The following SPINK5 variants were observed in gnomAD, a reference collection of about 807,000 sequenced individuals.
SPINK5 encodes the protein serine protease inhibitor Kazal-type 5.
A neutral mutation model predicts 151.8 loss-of-function variants in SPINK5; 125 were observed. The ratio of observed to expected loss-of-function variants is 0.82; its 90% CI spans 0.71 to 0.96. The LOEUF is 0.96. SPINK5 is among the 40% of genes least tolerant of loss of function. The probability of loss-of-function intolerance (pLI) is 0.00; values close to 1 mark genes in which losing one functional copy is unlikely to be tolerated. For synonymous variants in SPINK5, 374 were observed against 395.3 expected (o/e 0.95, Z 0.64); for missense variants, 1,194 against 1,291.9 (o/e 0.92, Z 1.16).
chr5:148,108,008 C>G (rs931868682), intron 17 of SPINK5, among the ~76,000 whole-genome samples: 1 of 152,070 alleles, frequency 6.6e-6, no homozygotes, highest in Non-Finnish European at 1.5e-5. Context: ...CATACAATTC[C>G]CTAAAAGGAG....
intron 6 of SPINK5, 21 bp downstream of exon 6, chr5:148,088,626 G>A (rs775206561): frequency 6.2e-7 from 1 of 1,609,716 alleles, no homozygotes; most frequent in South Asian, 1.1e-5. Flanking sequence ...TTGTCAGCCT[G>A]ATGGGAAATA....
At chr5:148,129,671 T>C (rs1754526337) in intron 30 of SPINK5, among the ~76,000 whole-genome samples, 1 of 152,302 alleles carries the variant, frequency 6.6e-6, no homozygotes, top group African/African-American at 2.4e-5. Context: ...TTTGTACCAA[T>C]ATGGAACTCA....
At chr5:148,122,022 GT>G (rs1449742347) in intron 26 of SPINK5, among the ~76,000 whole-genome samples, 2 of 145,962 alleles carry the variant, frequency 1.4e-5, no homozygotes, top group Non-Finnish European at 3.0e-5. Context: ...GTGTGTGTGT[GT>G]GTCAAATAGA....
chr5:148,064,105 C>T lies in SPINK5; in HGVS notation c.55+6C>T. On this transcript the variant is annotated splice_donor_region_variant and intron_variant, in intron 1 of 32. Transcript: ENST00000256084. ...GGCTCTTTGCCTCATACAAGGTGAG[C>T]AATTTGTGTGTAATCTAAGCCTCTT... The T allele has an allele frequency of 6.2e-7, 1 of 1,614,066 alleles. No homozygotes were observed.
chr5:148,130,443 G>A (rs1007823635), intron 30 of SPINK5, among the ~76,000 whole-genome samples: 5 of 151,812 alleles, frequency 3.3e-5, no homozygotes, highest in African/African-American at 1.2e-4. Flanking sequence ...GATACCATTG[G>A]ATTTAAGTCT....
intron 8 of SPINK5, among the ~76,000 whole-genome samples, chr5:148,092,271 G>A (rs1044218512): frequency 6.6e-6 from 1 of 151,892 alleles, no homozygotes; most frequent in South Asian, 2.1e-4. Flanking sequence ...ATTTAATGAA[G>A]CAAAGCTCTC....
chr5:148,129,028 C>G (rs1007769631), intron 30 of SPINK5, among the ~76,000 whole-genome samples: 1 of 152,044 alleles, frequency 6.6e-6, no homozygotes, highest in Non-Finnish European at 1.5e-5. Context: ...TTTTAAGTGA[C>G]ATATACAGAG....
intron 30 of SPINK5, 60 bp downstream of exon 30, chr5:148,127,139 C>A: frequency 1.4e-6 from 2 of 1,451,082 alleles, no homozygotes; most frequent in East Asian, 2.3e-5. Flanking sequence ...TTTTTTTTGA[C>A]CTGTTGCTAT....
Position 148,114,437 on chromosome 5 carries a change from G to A in SPINK5, c.1963G>A (p.Gly655Ser). The A allele has an allele frequency of 1.2e-6, 2 of 1,613,684 alleles. No homozygotes were observed. Among genetic ancestry groups the A allele is most frequent in the African/African-American group, 1.3e-5 (1 of 74,994 alleles). The change falls in exon 21 of 33, where the codon GGC (glycine) becomes AGC (serine). Residue 655 changes from glycine to serine, a missense_variant. Transcript: ENST00000256084. ...FCTRENDPVRGPDGKTHGNKC... is the reference protein window; with the variant it reads ...FCTRENDPVRSPDGKTHGNKC... Reference sequence around the variant, plus strand: ...CACAAGAGAAAATGATCCTGTGCGTGGCCCAGATGGCAAGACCCATGGCAA... The same window carrying A: ...CACAAGAGAAAATGATCCTGTGCGTAGCCCAGATGGCAAGACCCATGGCAA...
chr5:148,126,841 C>G (rs914112979), intron 29 of SPINK5, 142 bp from the exon 30 acceptor site: 7 of 631,398 alleles, frequency 1.1e-5, no homozygotes, highest in African/African-American at 1.9e-5. Context: ...ATTCGCCAGC[C>G]TGGGCCTTCC....
rs115680780 is a variant in SPINK5 at position 148,134,384 on chromosome 5, T to G, written c.3186+497T>G. Reference sequence around the variant, plus strand: ...TTACTGAATTTAACATTCTCCCTGGTGGCTATTTGAATAGTCATCCTCAGG... The same window carrying G: ...TTACTGAATTTAACATTCTCCCTGGGGGCTATTTGAATAGTCATCCTCAGG... On this transcript the variant is annotated intron_variant, in intron 32 of 32. Coordinates refer to ENST00000256084, the MANE Select transcript of SPINK5 (RefSeq NM_006846.4). Among the ~76,000 whole-genome samples the G allele has an allele frequency of 9.9e-3, 1,503 of 152,294 alleles. 28 individuals are homozygous for G. Among genetic ancestry groups the G allele is most frequent in the African/African-American group, 0.034 (1,431 of 41,568 alleles).
Position 148,094,483 on chromosome 5 carries a change from T to A in SPINK5, c.794+2T>A. 1.2e-6 allele frequency: 2 copies of A among 1,612,322 alleles called. No individual in the cohort carries two copies. The highest frequency in any genetic ancestry group is 1.7e-6 in the Non-Finnish European group (2 of 1,178,868). ...ATGTGCCCTGTGTGCTGAAATTTTG[T>A]GAGTATAGAAGTGGTTTTTTCAGAG... is the stretch of plus-strand genomic sequence containing the variant. On this transcript the variant is annotated splice_donor_variant, in intron 9 of 32. Coordinates refer to ENST00000256084, the MANE Select transcript of SPINK5 (RefSeq NM_006846.4). LOFTEE classifies it high-confidence loss of function.
At chr5:148,129,522 G>T (rs1003969100) in intron 30 of SPINK5, among the ~76,000 whole-genome samples, 10 of 151,202 alleles carry the variant, frequency 6.6e-5, no homozygotes, top group South Asian at 6.3e-4. Context: ...AATGAAGAGA[G>T]AGAGAGAGTA....
intron 32 of SPINK5, 69 bp downstream of exon 32, chr5:148,133,956 T>G: frequency 1.3e-5 from 19 of 1,497,418 alleles, no homozygotes; most frequent in Non-Finnish European, 1.7e-5. Context: ...TTTTGTTCTC[T>G]TCCACTGAGT....
intron 18 of SPINK5, among the ~76,000 whole-genome samples, chr5:148,110,305 G>A (rs1297172919): frequency 6.6e-6 from 1 of 152,026 alleles, no homozygotes; most frequent in East Asian, 1.9e-4. Context: ...GTCCAGTGGG[G>A]TGTTCCATAC....
chr5:148,067,583 G>A (rs1471050746), intron 2 of SPINK5, among the ~76,000 whole-genome samples: 1 of 152,044 alleles, frequency 6.6e-6, no homozygotes, highest in East Asian at 1.9e-4. Context: ...GAATACATTG[G>A]ATAATTTCAT....
At chr5:148,121,784 C>A (rs1451144852) in intron 26 of SPINK5, among the ~76,000 whole-genome samples, 1 of 150,164 alleles carries the variant, frequency 6.7e-6, no homozygotes, top group Non-Finnish European at 1.5e-5. Flanking sequence ...ATAGTGAGAC[C>A]CTGTCTCTAC....
At chr5:148,076,209 T>G (rs1016844380) in intron 4 of SPINK5, among the ~76,000 whole-genome samples, 1 of 151,740 alleles carries the variant, frequency 6.6e-6, no homozygotes, top group African/African-American at 2.4e-5. Flanking sequence ...CTTGAAGTAT[T>G]TGAACACAAA....
At chr5:148,065,515 T>G in intron 2 of SPINK5, 143 bp downstream of exon 2, 1 of 827,918 alleles carries the variant, frequency 1.2e-6, no homozygotes, top group Non-Finnish European at 2.0e-6. Context: ...CAGAAACAGA[T>G]TTTTATGAAT....
Sources: allele counts gnomAD v4.1 joint callset (sites outside exome capture counted in the v4.1 genomes callset), GRCh38; gene constraint gnomAD v4.1.1; transcripts MANE v1.5; gene names NCBI Gene and HGNC (gene_info 2026-07-23, HGNC 2026-07-21).